ADGRB3: variants seen among roughly 807,000 people sequenced by gnomAD.
ADGRB3 encodes the protein adhesion G protein-coupled receptor B3.
ADGRB3 carries 37 observed loss-of-function variants against 193.4 expected under a neutral mutation model. The ratio of observed to expected loss-of-function variants is 0.19; its 90% CI spans 0.15 to 0.25. The LOEUF (loss-of-function observed/expected upper bound fraction) is 0.25. Among genes scored for constraint, ADGRB3 ranks in the 10% least tolerant of loss-of-function variants. ADGRB3 has a pLI of 1.00. For missense variants in ADGRB3, 1,637 were observed against 1,852.9 expected (o/e 0.88, Z 2.14); for synonymous variants, 690 against 644.2 (o/e 1.07, Z -1.08).
At chr6:69,031,519 CTCTTTCTTTCTT>C (rs201301230) in intron 13 of ADGRB3, among the ~76,000 whole-genome samples, 1 of 21,268 alleles carries the variant, frequency 4.7e-5, no homozygotes, top group African/African-American at 1.2e-4. Context: ...TTTGAGTTGT[CTCTTTCTTTCTT>C]TCTTTCTTTC....
chr6:68,889,078 G>A (rs1765998657), intron 3 of ADGRB3, among the ~76,000 whole-genome samples: 5 of 152,216 alleles, frequency 3.3e-5, no homozygotes, highest in Admixed American at 3.3e-4. Flanking sequence ...AGAGGTGGAT[G>A]TCAGAGGAAA....
At chr6:69,040,404 A>G (rs1009204546) in intron 13 of ADGRB3, among the ~76,000 whole-genome samples, 1 of 117,934 alleles carries the variant, frequency 8.5e-6, no homozygotes, top group African/African-American at 3.3e-5. Context: ...TCCTTCACGC[A>G]GGTGACTCCA....
chr6:68,874,934 G>T (rs1425642688), intron 3 of ADGRB3, among the ~76,000 whole-genome samples: 2 of 152,140 alleles, frequency 1.3e-5, no homozygotes, highest in Non-Finnish European at 1.5e-5. Context: ...AATGCTCTGG[G>T]TGCAGATAGC....
At chr6:69,275,141 G>A (rs114844117) in intron 20 of ADGRB3, among the ~76,000 whole-genome samples, 445 of 152,236 alleles carry the variant, frequency 2.9e-3, no homozygotes, top group African/African-American at 0.01. Flanking sequence ...AGTCTATGAT[G>A]TAGGGCTGAG....
At chr6:69,205,839 A>G (rs972621832) in intron 17 of ADGRB3, among the ~76,000 whole-genome samples, 2 of 151,404 alleles carry the variant, frequency 1.3e-5, no homozygotes, top group African/African-American at 4.9e-5. Flanking sequence ...AGGCTGGAGT[A>G]CAGTGGTGTC....
chr6:69,333,024 T>A lies in ADGRB3; in HGVS notation c.3188+16T>A, dbSNP rs1768760940. On this transcript the variant is annotated intron_variant, in intron 24 of 31. Coordinates refer to ENST00000370598, the MANE Select transcript of ADGRB3 (RefSeq NM_001704.3). ...ACAGAGCCGGGTAAGCTGCAATTGG[T>A]GGATTTTGAAGGTTATTTATCAGTG... is the stretch of plus-strand genomic sequence containing the variant. 1 of 1,611,670 alleles carries A rather than the reference T, an allele frequency of 6.2e-7. No homozygotes were observed. Among genetic ancestry groups the A allele is most frequent in the South Asian group, 1.1e-5 (1 of 90,862 alleles).
intron 20 of ADGRB3, among the ~76,000 whole-genome samples, chr6:69,266,076 G>A (rs1171198473): frequency 6.6e-6 from 1 of 151,860 alleles, no homozygotes; most frequent in Non-Finnish European, 1.5e-5. Flanking sequence ...TTTTTTGAAA[G>A]GGCAATGTTT....
chr6:69,332,611 TCAGA>T (rs1187923383), intron 23 of ADGRB3: 1 of 985,452 alleles, frequency 1.0e-6, no homozygotes, highest in Non-Finnish European at 1.2e-6. Flanking sequence ...CAGGGTTGAC[TCAGA>T]CAGAAGAATG....
intron 10 of ADGRB3, among the ~76,000 whole-genome samples, chr6:68,982,830 C>G (rs1466681995): frequency 1.3e-5 from 2 of 152,124 alleles, no homozygotes; most frequent in Non-Finnish European, 2.9e-5. Flanking sequence ...ATTTATCTTT[C>G]TACCCGAGAG....
At position 68,638,798 on chromosome 6, in the gene ADGRB3, G is replaced by C. The variant is rs771599054; in HGVS notation, c.123G>C (p.Ser41=). ...STLVKGVIYG[S]YSVSEMFPKN... ...TGGTGAAGGGAGTCATTTATGGATC[G>C]TATTCTGTAAGTGAAATGTTTCCTA... The change falls in exon 3 of 32, where the codon TCG becomes TCC. Residue 41 remains serine (S), a synonymous_variant. Coordinates refer to ENST00000370598, the MANE Select transcript of ADGRB3 (RefSeq NM_001704.3). 6.2e-7 allele frequency: 1 copy of C among 1,613,930 alleles called. No homozygotes were observed. The highest frequency in any genetic ancestry group is 1.7e-5 in the Admixed American group (1 of 59,996).
At chr6:68,821,498 C>G (rs1269495147) in intron 3 of ADGRB3, among the ~76,000 whole-genome samples, 1 of 151,892 alleles carries the variant, frequency 6.6e-6, no homozygotes, top group Non-Finnish European at 1.5e-5. Context: ...AAAGTTGTCT[C>G]TAATTGACAC....
chr6:69,258,956 C>T (rs1396506174), intron 20 of ADGRB3, among the ~76,000 whole-genome samples: 2 of 152,196 alleles, frequency 1.3e-5, no homozygotes, highest in Admixed American at 1.3e-4. Context: ...AAATAGAAGG[C>T]TGAAGTTCAC....
At chr6:69,194,337 A>G (rs1182682778) in intron 17 of ADGRB3, among the ~76,000 whole-genome samples, 1 of 152,110 alleles carries the variant, frequency 6.6e-6, no homozygotes, top group African/African-American at 2.4e-5. Context: ...ATTGGGTAAT[A>G]GTGATACTGG....
chr6:68,798,467 G>C (rs192520992), intron 3 of ADGRB3, among the ~76,000 whole-genome samples: 192 of 150,298 alleles, frequency 1.3e-3, no homozygotes, highest in Non-Finnish European at 2.0e-3. Flanking sequence ...TCTTGTGATA[G>C]TTGGGTGTTG....
At chr6:69,220,909 C>T (rs1041885677) in intron 17 of ADGRB3, among the ~76,000 whole-genome samples, 4 of 152,034 alleles carry the variant, frequency 2.6e-5, no homozygotes, top group African/African-American at 9.7e-5. Context: ...ATCTACACCC[C>T]TTTATCACTA....
intron 8 of ADGRB3, among the ~76,000 whole-genome samples, chr6:68,968,865 G>A (rs1289305032): frequency 6.6e-6 from 1 of 152,022 alleles, no homozygotes; most frequent in African/African-American, 2.4e-5. Flanking sequence ...CAACATAGTT[G>A]TTATTTCAAT....
chr6:68,845,710 C>A (rs1768260595), intron 3 of ADGRB3, among the ~76,000 whole-genome samples: 1 of 152,152 alleles, frequency 6.6e-6, no homozygotes, highest in African/African-American at 2.4e-5. Context: ...TCACCCTCTG[C>A]CATGATTGTA....
chr6:68,845,074 C>T (rs552462722), intron 3 of ADGRB3, among the ~76,000 whole-genome samples: 1 of 152,018 alleles, frequency 6.6e-6, no homozygotes, highest in Non-Finnish European at 1.5e-5. Flanking sequence ...AGGGTGACTA[C>T]AGTCAATAAT....
At chr6:68,693,360 C>T (rs1765109241) in intron 3 of ADGRB3, among the ~76,000 whole-genome samples, 1 of 151,782 alleles carries the variant, frequency 6.6e-6, no homozygotes, top group Non-Finnish European at 1.5e-5. Context: ...AGTGTACACT[C>T]CTTAAAAATG....
Sources: allele counts gnomAD v4.1 joint callset (sites outside exome capture counted in the v4.1 genomes callset), GRCh38; gene constraint gnomAD v4.1.1; transcripts MANE v1.5; gene names NCBI Gene and HGNC (gene_info 2026-07-23, HGNC 2026-07-21).